VAV3: variants seen among roughly 807,000 people sequenced by gnomAD.
The protein encoded by VAV3 is vav guanine nucleotide exchange factor 3.
A neutral mutation model predicts 131.2 loss-of-function variants in VAV3; 94 were observed. That is an observed-to-expected ratio of 0.72 (90% confidence interval 0.61 to 0.85). The LOEUF (loss-of-function observed/expected upper bound fraction) is 0.85. Ranked by LOEUF, VAV3 falls within the 40% of genes least tolerant of loss-of-function variation. The pLI, the probability that VAV3 is intolerant of heterozygous loss-of-function variation, is 0.00. For missense variants in VAV3, 939 were observed against 1,002.7 expected, an observed-to-expected ratio of 0.94 and a Z score of 0.86; for synonymous variants, 349 against 342.0, an observed-to-expected ratio of 1.02 and a Z score of -0.22.
chr1:107,928,998 A>G (rs1316161740), intron 1 of VAV3, among the ~76,000 whole-genome samples: 2 of 152,174 alleles, frequency 1.3e-5, no homozygotes, highest in African/African-American at 4.8e-5. Context: ...AAGGATCCAA[A>G]AAGTAGAAAG....
intron 2 of VAV3, among the ~76,000 whole-genome samples, chr1:107,793,246 A>G (rs1666378923): frequency 6.6e-6 from 1 of 152,192 alleles, no homozygotes; most frequent in African/African-American, 2.4e-5. Flanking sequence ...CAATACCTTC[A>G]TCATGGGTGA....
intron 2 of VAV3, among the ~76,000 whole-genome samples, chr1:107,851,104 G>A (rs1571042319): frequency 3.3e-5 from 5 of 150,966 alleles, no homozygotes; most frequent in East Asian, 1.9e-4. Flanking sequence ...CCGGCCCTCC[G>A]GAGCTTGCAG....
intron 24 of VAV3, among the ~76,000 whole-genome samples, chr1:107,600,498 G>A (rs1251406214): frequency 3.3e-5 from 5 of 152,126 alleles, no homozygotes; most frequent in African/African-American, 7.2e-5. Flanking sequence ...ACATATGCAC[G>A]TGTCTCTAAT....
chr1:107,733,147 T>C (rs1040491427), intron 15 of VAV3, among the ~76,000 whole-genome samples: 1 of 152,156 alleles, frequency 6.6e-6, no homozygotes, highest in Non-Finnish European at 1.5e-5. Context: ...CTGAGAGACC[T>C]GACTGTTAGA....
chr1:107,786,590 C>T (rs746728234), intron 2 of VAV3, among the ~76,000 whole-genome samples: 3 of 152,230 alleles, frequency 2.0e-5, no homozygotes, highest in Non-Finnish European at 4.4e-5. Context: ...CTAACGTCAT[C>T]ATCACCTTTG....
chr1:107,810,597 G>A (rs949580159), intron 2 of VAV3, among the ~76,000 whole-genome samples: 2 of 152,134 alleles, frequency 1.3e-5, no homozygotes, highest in African/African-American at 4.8e-5. Context: ...CTGATGACAA[G>A]ACTAAAATCT....
At chr1:107,573,415 C>G in intron 26 of VAV3, 43 bp from the exon 27 acceptor site, 1 of 1,611,584 alleles carries the variant, frequency 6.2e-7, no homozygotes, top group Non-Finnish European at 8.5e-7. Flanking sequence ...GACTTTGTAT[C>G]TGACACTTCA....
chr1:107,943,523 T>C (rs978272472), intron 1 of VAV3, among the ~76,000 whole-genome samples: 17 of 152,050 alleles, frequency 1.1e-4, no homozygotes, highest in African/African-American at 4.1e-4. Flanking sequence ...GGCACACACA[T>C]CACGAGGTCA....
intron 9 of VAV3, among the ~76,000 whole-genome samples, chr1:107,762,597 T>C (rs984021260): frequency 6.6e-6 from 1 of 152,190 alleles, no homozygotes; most frequent in African/African-American, 2.4e-5. Context: ...TTTAAGGCCC[T>C]TGGAATTAAG....
At chr1:107,664,090 T>A (rs1657236310) in intron 19 of VAV3, among the ~76,000 whole-genome samples, 1 of 152,198 alleles carries the variant, frequency 6.6e-6, no homozygotes, top group Admixed American at 6.5e-5. Flanking sequence ...TTCTTCTCTT[T>A]CTTAATGGTT....
intron 12 of VAV3, among the ~76,000 whole-genome samples, chr1:107,753,493 T>TACACACATATATATATAC (rs1663873621): frequency 9.0e-6 from 1 of 111,610 alleles, no homozygotes; most frequent in South Asian, 2.6e-4. Flanking sequence ...TGTATATATA[T>TACACACATATATATATAC]ACACACATAT....
chr1:107,862,836 C>T (rs1557888100), intron 2 of VAV3: 1 of 144,250 alleles, frequency 6.9e-6, no homozygotes, highest in Non-Finnish European at 1.6e-5. Flanking sequence ...AGAAGGTTTC[C>T]TATTACACAG....
intron 21 of VAV3, among the ~76,000 whole-genome samples, chr1:107,615,519 C>G (rs1223207729): frequency 6.6e-6 from 1 of 152,062 alleles, no homozygotes. Flanking sequence ...TAGGAAATAC[C>G]ATTCTTGACA....
chr1:107,893,062 T>TA (rs1671386790), intron 1 of VAV3, among the ~76,000 whole-genome samples: 1 of 151,048 alleles, frequency 6.6e-6, no homozygotes, highest in South Asian at 2.1e-4. Context: ...ATACACAGAG[T>TA]AAAAAACTTG....
intron 19 of VAV3, among the ~76,000 whole-genome samples, chr1:107,670,893 T>C: frequency 6.6e-6 from 1 of 152,216 alleles, no homozygotes; most frequent in East Asian, 1.9e-4. Context: ...TTGAACAGTT[T>C]GAGGTTCCAA....
intron 1 of VAV3, among the ~76,000 whole-genome samples, chr1:107,881,290 T>G (rs1315236825): frequency 2.0e-5 from 3 of 152,092 alleles, no homozygotes; most frequent in African/African-American, 7.2e-5. Context: ...AAAAGAAATA[T>G]TTGGTAATTG....
At chr1:107,630,023 G>A (rs2101369740) in intron 20 of VAV3, among the ~76,000 whole-genome samples, 1 of 152,160 alleles carries the variant, frequency 6.6e-6, no homozygotes, top group East Asian at 1.9e-4. Flanking sequence ...CACCTAACTA[G>A]TACAAAAGAC....
At chr1:107,659,579 T>C (rs557419214) in intron 19 of VAV3, among the ~76,000 whole-genome samples, 73 of 152,318 alleles carry the variant, frequency 4.8e-4, no homozygotes, top group African/African-American at 1.7e-3. Context: ...TAACTATATA[T>C]GTAGATAAAC....
At chr1:107,926,561 A>C (rs1571151057) in intron 1 of VAV3, among the ~76,000 whole-genome samples, 1 of 121,184 alleles carries the variant, frequency 8.3e-6, no homozygotes, top group East Asian at 2.6e-4. Flanking sequence ...ACAGTCTTGA[A>C]TCATGGATGC....
Sources: allele counts gnomAD v4.1 joint callset (sites outside exome capture counted in the v4.1 genomes callset), GRCh38; gene constraint gnomAD v4.1.1; transcripts MANE v1.5; gene names NCBI Gene and HGNC (gene_info 2026-07-23, HGNC 2026-07-21).